DRC3: variants seen among roughly 807,000 people sequenced by gnomAD.
The protein encoded by DRC3 is leucine rich repeat containing 48.
A neutral mutation model predicts 57.6 loss-of-function variants in DRC3; 45 were observed. The observed-to-expected ratio is 0.78, with a 90% CI of 0.62 to 1.00. The LOEUF is 1.00. Among genes scored for constraint, DRC3 ranks in the 50% least tolerant of loss-of-function variants. The pLI is 0.00. For synonymous variants in DRC3, 257 were observed against 272.3 expected (o/e 0.94, Z 0.55); for missense variants, 655 against 675.2 (o/e 0.97, Z 0.33).
intron 4 of DRC3, among the ~76,000 whole-genome samples, chr17:17,984,705 C>G (rs1403132276): frequency 6.6e-6 from 1 of 152,152 alleles, no homozygotes; most frequent in Non-Finnish European, 1.5e-5. Flanking sequence ...CCCAAAGCTG[C>G]ACGACCAAGA....
At chr17:17,982,284 C>T (rs188521889) in intron 3 of DRC3, among the ~76,000 whole-genome samples, 7 of 148,504 alleles carry the variant, frequency 4.7e-5, no homozygotes, top group African/African-American at 1.2e-4. Flanking sequence ...GGCGCAATCT[C>T]GGCTCACTGA....
At position 17,988,099 on chromosome 17, in the gene DRC3, G is replaced by T; in HGVS notation, c.444+1G>T. ...CAACCGGATTGACAACATGATGAAC[G>T]TGAGTGGCCGCCCAGCCCGCCCTCA... On this transcript the variant is annotated splice_donor_variant, in intron 5 of 13. Coordinates refer to ENST00000399187, the MANE Select transcript of DRC3 (RefSeq NM_031294.4). LOFTEE classifies it high-confidence loss of function. The T allele has an allele frequency of 6.2e-7, 1 of 1,613,022 alleles. No homozygotes were observed. Among genetic ancestry groups the T allele is most frequent in the Non-Finnish European group, 8.5e-7 (1 of 1,179,614 alleles).
chr17:17,994,551 T>C (rs2043375499), intron 7 of DRC3, 133 bp downstream of exon 7: 1 of 1,263,522 alleles, frequency 7.9e-7, no homozygotes, highest in African/African-American at 1.5e-5. Flanking sequence ...CAGGGCCTGA[T>C]GCCCTCTCCC....
At chr17:17,981,990 A>G (rs1226917654) in intron 3 of DRC3, among the ~76,000 whole-genome samples, 6 of 149,556 alleles carry the variant, frequency 4.0e-5, no homozygotes, top group Non-Finnish European at 4.4e-5. Flanking sequence ...GCCCAGCCAC[A>G]GGACCAAATT....
At chr17:17,991,441 C>T (rs899500918) in intron 5 of DRC3, among the ~76,000 whole-genome samples, 25 of 151,780 alleles carry the variant, frequency 1.6e-4, no homozygotes, top group African/African-American at 6.0e-4. Context: ...TAGGCGCCTG[C>T]CACCATGCCC....
intron 7 of DRC3, among the ~76,000 whole-genome samples, chr17:17,994,681 T>A (rs2043383321): frequency 6.6e-6 from 1 of 152,172 alleles, no homozygotes; most frequent in Admixed American, 6.5e-5. Flanking sequence ...AAACAGTCTG[T>A]CAGAGGCCCC....
chr17:17,990,751 G>A (rs2043190049), intron 5 of DRC3, among the ~76,000 whole-genome samples: 2 of 152,134 alleles, frequency 1.3e-5, no homozygotes, highest in South Asian at 4.1e-4. Context: ...CAGCACTTTG[G>A]GAGGCCAAGG....
In DRC3 at chr17:18,007,081, T is replaced by G; in HGVS notation, c.1260T>G (p.Ser420=). The G allele has an allele frequency of 7.3e-7, 1 of 1,375,774 alleles. No homozygotes were observed. The highest frequency in any genetic ancestry group is 9.6e-7 in the Non-Finnish European group (1 of 1,045,762). The allele number at this position is 1,375,774 out of a possible 1,614,324, so 85.2% of individuals were successfully genotyped here. ...NHHHEKLLEI[S]ISTLEKIVEG... ...ACCACGAGAAGCTCCTGGAGATCTC[T>G]ATCAGCACCCTGGAGAAGATTGTCG... The change falls in exon 12 of 14, where the codon TCT becomes TCG. Residue 420 remains serine, a synonymous_variant. Transcript: ENST00000399187.
chr17:17,991,283 G>GTT (rs2043213479), intron 5 of DRC3, among the ~76,000 whole-genome samples: 1 of 119,268 alleles, frequency 8.4e-6, no homozygotes, highest in Admixed American at 9.4e-5. Context: ...ATGAAGTATT[G>GTT]CTTTTTTTTT....
chr17:18,004,854 A>C, intron 10 of DRC3: 1 of 204,530 alleles, frequency 4.9e-6, no homozygotes, highest in South Asian at 1.0e-4. Context: ...TGCAGCCTGC[A>C]GTTGCCGCTT....
intron 12 of DRC3, chr17:18,007,791 T>C: frequency 9.3e-7 from 1 of 1,078,600 alleles, no homozygotes; most frequent in Non-Finnish European, 1.1e-6. Flanking sequence ...GATACTATGT[T>C]GTCAGGGCCT....
At chr17:17,977,063 C>G (rs971640777) in intron 2 of DRC3, among the ~76,000 whole-genome samples, 2 of 152,186 alleles carry the variant, frequency 1.3e-5, no homozygotes, top group Non-Finnish European at 2.9e-5. Context: ...GGGTCAGGGG[C>G]TCCCTCTGCA....
At chr17:17,992,055 G>C (rs935871123) in intron 5 of DRC3, among the ~76,000 whole-genome samples, 1 of 152,136 alleles carries the variant, frequency 6.6e-6, no homozygotes, top group Non-Finnish European at 1.5e-5. Flanking sequence ...CTGGTGGATC[G>C]CTTGAGCCTA....
At chr17:17,975,526 A>C (rs78536915) in intron 2 of DRC3, among the ~76,000 whole-genome samples, 1,575 of 17,896 alleles carry the variant, frequency 0.088, 23 homozygotes, top group African/African-American at 0.2. Flanking sequence ...CCCCCCCCCC[A>C]AAAAAAAGGC....
At chr17:17,991,747 A>G (rs548524473) in intron 5 of DRC3, among the ~76,000 whole-genome samples, 67 of 152,258 alleles carry the variant, frequency 4.4e-4, no homozygotes, top group Non-Finnish European at 8.7e-4. Flanking sequence ...AGTTACTGGA[A>G]TGTTCCCCTA....
At chr17:17,999,526 C>T (rs922028507) in intron 9 of DRC3, among the ~76,000 whole-genome samples, 4 of 152,182 alleles carry the variant, frequency 2.6e-5, no homozygotes, top group East Asian at 1.9e-4. Flanking sequence ...GGTTTTCCTA[C>T]GCTCCTCCCA....
intron 9 of DRC3, among the ~76,000 whole-genome samples, chr17:18,002,448 G>C (rs1394628517): frequency 6.6e-6 from 1 of 152,198 alleles, no homozygotes; most frequent in Non-Finnish European, 1.5e-5. Flanking sequence ...GCAGCTGGTA[G>C]TCAGTGCTGT....
intron 3 of DRC3, among the ~76,000 whole-genome samples, chr17:17,983,426 C>G (rs191381638): frequency 6.6e-6 from 1 of 152,182 alleles, no homozygotes; most frequent in South Asian, 2.1e-4. Flanking sequence ...CACATGTTTT[C>G]ATTCTATTTA....
chr17:18,009,173 A>G lies in DRC3; in HGVS notation c.1326+2026A>G, dbSNP rs1486119754. On this transcript the variant is annotated intron_variant, in intron 12 of 13. Coordinates refer to ENST00000399187, the MANE Select transcript of DRC3 (RefSeq NM_031294.4). ...TATGAGTAATACCAACATCACTTTG[A>G]AAGGCTGAGGTGGAAGGATTGCTTC... Among the ~76,000 whole-genome samples the G allele has an allele frequency of 2.0e-5, 3 of 152,220 alleles. No homozygotes were observed. The East Asian group carries it at 5.8e-4, about 29-fold the overall frequency.
Sources: allele counts gnomAD v4.1 joint callset (sites outside exome capture counted in the v4.1 genomes callset), GRCh38; gene constraint gnomAD v4.1.1; transcripts MANE v1.5; gene names NCBI Gene and HGNC (gene_info 2026-07-23, HGNC 2026-07-21).